The following CDC42BPB variants were observed in gnomAD, a reference collection of about 807,000 sequenced individuals.
CDC42BPB encodes CDC42 binding protein kinase beta, also known as serine/threonine-protein kinase MRCK beta.
CDC42BPB carries 37 observed loss-of-function variants against 214.9 expected under a neutral mutation model. The ratio of observed to expected loss-of-function variants is 0.17; its 90% CI spans 0.13 to 0.23. The LOEUF is 0.23. CDC42BPB is among the 10% of genes least tolerant of loss of function. The pLI, the probability that CDC42BPB is intolerant of heterozygous loss-of-function variation, is 1.00. For synonymous variants in CDC42BPB, 931 were observed against 884.0 expected (o/e 1.05, Z -0.94); for missense variants, 1,694 against 2,227.0 (o/e 0.76, Z 4.82).
At chr14:102,954,326 G>T (rs1892622334) in intron 22 of CDC42BPB, 51 bp from the exon 23 acceptor site, 1 of 1,455,572 alleles carries the variant, frequency 6.9e-7, no homozygotes, top group South Asian at 1.4e-5. Context: ...GCATGGCTGA[G>T]ACACCTGGCC....
chr14:103,051,165 G>GGGGGTGGGT (rs1888586907), intron 1 of CDC42BPB, among the ~76,000 whole-genome samples: 1 of 58,760 alleles, frequency 1.7e-5, no homozygotes, highest in African/African-American at 6.5e-5. Context: ...GGGGGGGCGG[G>GGGGGTGGGT]AGATTACTAC....
chr14:103,005,401 C>G (rs1295767282), intron 3 of CDC42BPB, among the ~76,000 whole-genome samples: 1 of 152,158 alleles, frequency 6.6e-6, no homozygotes, highest in African/African-American at 2.4e-5. Flanking sequence ...GTTTTCTTTT[C>G]TAAACTTTAA....
chr14:102,981,649 G>A (rs745675501), intron 7 of CDC42BPB, among the ~76,000 whole-genome samples: 3 of 151,952 alleles, frequency 2.0e-5, no homozygotes, highest in African/African-American at 2.4e-5. Context: ...GCGTGGTGGC[G>A]GCCTGTAATC....
chr14:103,005,852 T>C (rs919425583), intron 3 of CDC42BPB, among the ~76,000 whole-genome samples: 2 of 152,064 alleles, frequency 1.3e-5, no homozygotes, highest in African/African-American at 4.8e-5. Context: ...AAACCCCGTC[T>C]CTACTAAAAG....
At chr14:102,960,678 G>A (rs1054740872) in intron 20 of CDC42BPB, among the ~76,000 whole-genome samples, 1 of 152,146 alleles carries the variant, frequency 6.6e-6, no homozygotes, top group South Asian at 2.1e-4. Flanking sequence ...TGGAACAGGG[G>A]AGAAGATCCA....
chr14:103,019,707 C>A (rs1337293435), intron 1 of CDC42BPB, among the ~76,000 whole-genome samples: 1 of 152,170 alleles, frequency 6.6e-6, no homozygotes, highest in Admixed American at 6.5e-5. Context: ...AAAGCTTTAG[C>A]CTTTAGACAG....
intron 4 of CDC42BPB, among the ~76,000 whole-genome samples, chr14:103,000,896 G>T (rs1050066927): frequency 6.6e-6 from 1 of 152,142 alleles, no homozygotes; most frequent in African/African-American, 2.4e-5. Flanking sequence ...AGCAAGCAAG[G>T]ACAGAGCAAA....
rs764749591 is a variant in CDC42BPB, at chr14:102,949,797, A to G, written c.3417T>C (p.Pro1139=). Residue 1139 remains proline, a synonymous_variant, in exon 26 of 37, where the codon CCT becomes CCC. Coordinates refer to ENST00000361246, the MANE Select transcript of CDC42BPB (RefSeq NM_006035.4). The part of the protein sequence containing the change: ...YDLPEGKSTQ[P]GVIASQVLDL... ...CCAAGACTTGGCTCGCAATGACACC[A>G]GGCTGGGTGGATTTTCCTTCAGGCA... 26 of 1,613,362 alleles carry G rather than the reference A, an allele frequency of 1.6e-5. No homozygotes were observed. Among genetic ancestry groups the G allele is most frequent in the Non-Finnish European group, 2.2e-5 (26 of 1,180,014 alleles).
Position 102,950,572 on chromosome 14 carries a change from T to C in CDC42BPB, c.3203A>G (p.Lys1068Arg). 1.2e-6 allele frequency: 2 copies of C among 1,602,842 alleles called. No individual in the cohort carries two copies. The highest frequency in any genetic ancestry group is 1.7e-6 in the Non-Finnish European group (2 of 1,174,644). Residue 1068 changes from lysine (K) to arginine (R), a missense_variant, in exon 25 of 37, where the codon AAA (lysine) becomes AGA (arginine). By Grantham distance (26) the Lys-to-Arg change is conservative. Transcript: ENST00000361246. ...TGGGCACACCTGGGGGGCACCGTCTTTGCAGGACACGTGGCAAGCAAAGGA... is the reference window on the plus strand; with the variant it reads ...TGGGCACACCTGGGGGGCACCGTCTCTGCAGGACACGTGGCAAGCAAAGGA... ...VCSFACHVSC[K>R]DGAPQVCPIP...
intron 36 of CDC42BPB, among the ~76,000 whole-genome samples, chr14:102,937,340 T>C (rs567079329): frequency 6.6e-6 from 1 of 152,326 alleles, no homozygotes; most frequent in African/African-American, 2.4e-5. Context: ...GGACAAAGGA[T>C]GGAGAAGACA....
At position 103,012,565 on chromosome 14, in the gene CDC42BPB, G is replaced by A. The variant is rs189254867; in HGVS notation, c.176-377C>T. Among the ~76,000 whole-genome samples the A allele has an allele frequency of 2.2e-3, 338 of 152,262 alleles. 2 individuals are homozygous for A. The highest frequency in any genetic ancestry group is 1.6e-3 in the Non-Finnish European group (110 of 68,028). ...CATGGCTGTAATCCCAGCACCTTACGAGGCTGAGGCAGGAGGATCACCTGA... is the reference window on the plus strand; with the variant it reads ...CATGGCTGTAATCCCAGCACCTTACAAGGCTGAGGCAGGAGGATCACCTGA... On this transcript the variant is annotated intron_variant, in intron 1 of 36. Coordinates refer to ENST00000361246, the MANE Select transcript of CDC42BPB (RefSeq NM_006035.4).
intron 3 of CDC42BPB, among the ~76,000 whole-genome samples, chr14:103,005,105 T>C (rs559168800): frequency 6.6e-6 from 1 of 151,516 alleles, no homozygotes; most frequent in African/African-American, 2.4e-5. Context: ...GAGGCGGAGC[T>C]TGCAGTGAGC....
At chr14:103,025,362 G>A (rs1467896431) in intron 1 of CDC42BPB, among the ~76,000 whole-genome samples, 1 of 152,002 alleles carries the variant, frequency 6.6e-6, no homozygotes, top group Non-Finnish European at 1.5e-5. Flanking sequence ...CAAGAGAAGT[G>A]AGCAGGTATG....
rs535306910 is a variant in CDC42BPB at position 103,007,566 on chromosome 14, C to T, written c.351+906G>A. On this transcript the variant is annotated intron_variant, in intron 3 of 36. Transcript: ENST00000361246. ...TCCCAAAATGAGGAGGTGGCCACGT[C>T]GAGAGGTTCAACTCCAGAAGCAAGC... Among the ~76,000 whole-genome samples, 124 of 152,308 alleles carry T rather than the reference C, an allele frequency of 8.1e-4. 2 individuals are homozygous for T. In the South Asian group the frequency reaches 0.017, roughly 20 times the overall value.
Position 103,012,104 on chromosome 14 carries a change from A to C in CDC42BPB, c.260T>G (p.Phe87Cys). The change falls in exon 2 of 37, where the codon TTT (phenylalanine) becomes TGT (cysteine). Residue 87 changes from phenylalanine (F) to cysteine (C), a missense_variant. This residue lies in a region of CDC42BPB where 225 missense variants were observed against 459.3 expected (regional missense o/e 0.49). Transcript: ENST00000361246. ...EIIKVIGRGA[F>C]GEVAVVKMKN... is the part of the protein sequence containing the mutation. Reference sequence around the variant, plus strand: ...AAATGAAGTTTATCTTACCTCACCAAAAGCACCTCTTCCAATTACTTTAAT... The same window carrying C: ...AAATGAAGTTTATCTTACCTCACCACAAGCACCTCTTCCAATTACTTTAAT... 6.2e-7 allele frequency: 1 copy of C among 1,610,446 alleles called. No individual in the cohort carries two copies. Among genetic ancestry groups the C allele is most frequent in the Non-Finnish European group, 8.5e-7 (1 of 1,176,866 alleles).
rs1487089859 is a variant in CDC42BPB, at chr14:102,932,872, TG to T, written c.*839del. The T allele has an allele frequency of 2.2e-4, 2 of 9,138 alleles. No individual in the cohort carries two copies. The highest frequency in any genetic ancestry group is 2.5e-3 in the Admixed American group (2 of 814). The allele number at this position is 9,138 out of a possible 1,614,324, so 0.6% of individuals were successfully genotyped here. A position where few individuals can be genotyped will look rare whatever the true frequency, so the allele number is the denominator to read the frequency against. On this transcript the variant is annotated 3_prime_UTR_variant, in exon 37 of 37. Transcript: ENST00000361246. Reference sequence around the variant, plus strand: ...CGGGGGCTCCATGCGGGGGCAGGACTGGTGGGGGGGGGGGCGGGCAGGGCGG... The same window carrying T: ...CGGGGGCTCCATGCGGGGGCAGGACTGTGGGGGGGGGGGCGGGCAGGGCGG...
intron 3 of CDC42BPB, 113 bp downstream of exon 3, chr14:103,008,359 G>T: frequency 2.7e-6 from 2 of 730,570 alleles, no homozygotes; most frequent in Middle Eastern, 2.4e-4. Flanking sequence ...CTGTCCGGGG[G>T]GCAGGGAGGC....
chr14:102,974,845 C>G (rs776908838), intron 11 of CDC42BPB, among the ~76,000 whole-genome samples: 5 of 152,150 alleles, frequency 3.3e-5, no homozygotes, highest in Admixed American at 3.3e-4. Context: ...ACTTGGGAGG[C>G]TGAGACAGGA....
intron 8 of CDC42BPB, 54 bp from the exon 9 acceptor site, chr14:102,978,259 A>C (rs1893845913): frequency 6.2e-7 from 1 of 1,604,864 alleles, no homozygotes; most frequent in African/African-American, 1.3e-5. Context: ...CAAACAGGTA[A>C]AAAGAGGAAA....
Sources: gnomAD v4.1 joint callset for allele counts (sites outside exome capture counted in the v4.1 genomes callset) on GRCh38, gnomAD v4.1.1 for gene constraint, gnomAD v4.1.1 regional missense constraint, MANE v1.5 for transcripts, NCBI Gene and HGNC (gene_info 2026-07-23, HGNC 2026-07-21) for gene names.